Variants in FYB1 observed in about 807,000 individuals in gnomAD.
FYB1 encodes the protein FYN binding protein 1.
In FYB1, 41 loss-of-function variants were observed where a neutral mutation model predicts 94.1. The ratio of observed to expected loss-of-function variants is 0.44; its 90% CI spans 0.34 to 0.57. The LOEUF (loss-of-function observed/expected upper bound fraction) is 0.57, where lower values mean the gene tolerates loss of function less well. Ranked by LOEUF, FYB1 falls within the 20% of genes least tolerant of loss-of-function variation. The pLI is 0.02. For synonymous variants in FYB1, 367 were observed against 353.2 expected (o/e 1.04, Z -0.44); for missense variants, 1,050 against 976.8 (o/e 1.07, Z -1.00).
At chr5:39,178,298 T>C (rs1227340929) in intron 2 of FYB1, among the ~76,000 whole-genome samples, 1 of 152,220 alleles carries the variant, frequency 6.6e-6, no homozygotes, top group African/African-American at 2.4e-5. Context: ...TCTGCAACAT[T>C]CATGTGTGAA....
At chr5:39,257,746 C>T (rs988320189) in intron 1 of FYB1, among the ~76,000 whole-genome samples, 6 of 151,488 alleles carry the variant, frequency 4.0e-5, no homozygotes, top group Admixed American at 1.3e-4. Context: ...TCAGAATGGG[C>T]TAAACAGTAA....
At chr5:39,242,240 T>G (rs1045905197) in intron 1 of FYB1, among the ~76,000 whole-genome samples, 13 of 152,106 alleles carry the variant, frequency 8.5e-5, no homozygotes, top group African/African-American at 2.9e-4. Context: ...GCTGCACCTA[T>G]TAACTTGTCA....
intron 3 of FYB1, among the ~76,000 whole-genome samples, chr5:39,148,169 ATATATATATATATATATATATATAT>A (rs1742897139): frequency 8.7e-5 from 2 of 22,938 alleles, no homozygotes; most frequent in Non-Finnish European, 1.6e-4. Context: ...ATATATATAT[ATATATATATATATATATATATATAT>A]ATATATATAT....
chr5:39,233,017 G>C (rs559190731), intron 1 of FYB1, among the ~76,000 whole-genome samples: 1 of 151,908 alleles, frequency 6.6e-6, no homozygotes, highest in South Asian at 2.1e-4. Flanking sequence ...GAATAATGCC[G>C]CAAGAAACAT....
rs71606520 is a variant in FYB1 at position 39,147,452 on chromosome 5, C to CTGTGTGTGTG, written c.1292+5986_1292+5995dup. On this transcript the variant is annotated intron_variant, in intron 3 of 18. Transcript: ENST00000512982. ...CCCAGCTAAACTTTTGTACATATGC[C>CTGTGTGTGTG]TGTGTGTGTGTGTGTGTGTGTGTGT... 8.2e-3 allele frequency among the ~76,000 whole-genome samples: 1,183 copies of CTGTGTGTGTG among 144,580 alleles called. 20 individuals are homozygous for CTGTGTGTGTG. The highest frequency in any genetic ancestry group is 0.025 in the African/African-American group (968 of 38,580). The allele number at this position is 144,580 out of a possible 152,430, so 94.9% of individuals were successfully genotyped here. A position where few individuals can be genotyped will look rare whatever the true frequency, so the allele number is the denominator to read the frequency against.
chr5:39,154,898 T>C (rs1215414695), intron 2 of FYB1, among the ~76,000 whole-genome samples: 1 of 152,192 alleles, frequency 6.6e-6, no homozygotes, highest in Non-Finnish European at 1.5e-5. Context: ...GGCCTCCTTT[T>C]AATTGTATTA....
intron 2 of FYB1, among the ~76,000 whole-genome samples, chr5:39,158,376 G>T (rs866886528): frequency 2.0e-5 from 3 of 152,184 alleles, no homozygotes; most frequent in South Asian, 2.1e-4. Context: ...CTGCCTTGAA[G>T]AATTGTTCCA....
chr5:39,202,142 T>G lies in FYB1; in HGVS notation c.819A>C (p.Pro273=), dbSNP rs141281683. Residue 273 remains proline (P), a synonymous_variant, in exon 2 of 19, where the codon CCA becomes CCC. Coordinates refer to ENST00000512982, the MANE Select transcript of FYB1 (RefSeq NM_001465.6). Reference sequence around the variant, plus strand: ...TTTCTTCACCATTTTTGGAGAGACCTGGGCCTCCCCTGCTCGCAGCAGGTT... The same window carrying G: ...TTTCTTCACCATTTTTGGAGAGACCGGGGCCTCCCCTGCTCGCAGCAGGTT... ...VLKPAASRGG[P]GLSKNGEEKK... 605 of 1,614,010 alleles carry G rather than the reference T, an allele frequency of 3.7e-4. 3 individuals carry two copies. The African/African-American group carries it at 7.2e-3, about 19-fold the overall frequency.
At position 39,208,538 on chromosome 5, in the gene FYB1, T is replaced by G. The variant is rs140125266; in HGVS notation, c.-27-5551A>C. Among the ~76,000 whole-genome samples, 910 of 152,266 alleles carry G rather than the reference T, an allele frequency of 6.0e-3. 3 individuals are homozygous for G. Among genetic ancestry groups the G allele is most frequent in the Non-Finnish European group, 9.6e-3 (656 of 68,014 alleles). On this transcript the variant is annotated intron_variant, in intron 1 of 18. Coordinates refer to ENST00000512982, the MANE Select transcript of FYB1 (RefSeq NM_001465.6). The stretch of plus-strand genomic sequence containing the variant: ...TTCGGTCTCAACTGCTGGTTCTTCT[T>G]ATGGAACAAAATTTGTTTCTGCCAC...
intron 1 of FYB1, among the ~76,000 whole-genome samples, chr5:39,210,001 C>T (rs996618338): frequency 6.6e-6 from 1 of 152,210 alleles, no homozygotes; most frequent in Non-Finnish European, 1.5e-5. Flanking sequence ...GAGCACCAGG[C>T]CCCTCTTCAA....
intron 1 of FYB1, among the ~76,000 whole-genome samples, chr5:39,235,866 T>C (rs545233576): frequency 6.6e-6 from 1 of 151,938 alleles, no homozygotes; most frequent in Non-Finnish European, 1.5e-5. Flanking sequence ...ATAGGACTCT[T>C]TTGTAGTGAT....
chr5:39,240,645 T>C (rs1439901338), intron 1 of FYB1, among the ~76,000 whole-genome samples: 2 of 152,090 alleles, frequency 1.3e-5, no homozygotes, highest in African/African-American at 4.8e-5. Context: ...AGTCAAAATG[T>C]CTGTTATTAA....
At chr5:39,237,176 G>C (rs953385645) in intron 1 of FYB1, among the ~76,000 whole-genome samples, 4 of 151,972 alleles carry the variant, frequency 2.6e-5, no homozygotes, top group African/African-American at 9.7e-5. Flanking sequence ...AAAAATTGTA[G>C]GCTCATGCCA....
At chr5:39,145,885 T>G (rs1742599486) in intron 3 of FYB1, among the ~76,000 whole-genome samples, 1 of 151,680 alleles carries the variant, frequency 6.6e-6, no homozygotes, top group South Asian at 2.1e-4. Flanking sequence ...ATCCCCTGCT[T>G]GTGGTCCTCC....
intron 13 of FYB1, among the ~76,000 whole-genome samples, chr5:39,123,955 T>C (rs113898036): frequency 6.6e-6 from 1 of 152,176 alleles, no homozygotes; most frequent in Admixed American, 6.6e-5. Flanking sequence ...AAGCTTGGAC[T>C]GAATTGAGGC....
intron 1 of FYB1, among the ~76,000 whole-genome samples, chr5:39,241,291 C>A (rs1406169921): frequency 6.6e-6 from 1 of 152,136 alleles, no homozygotes; most frequent in Non-Finnish European, 1.5e-5. Context: ...TGTAACAAAC[C>A]TTCCCATGTA....
chr5:39,233,610 A>C (rs1340092529), intron 1 of FYB1, among the ~76,000 whole-genome samples: 3 of 152,156 alleles, frequency 2.0e-5, no homozygotes, highest in Admixed American at 1.3e-4. Context: ...TGAAAAATAT[A>C]TTTTCTAAAA....
intron 1 of FYB1, 102 bp from the exon 2 acceptor site, chr5:39,203,089 G>T: frequency 1.1e-6 from 1 of 946,060 alleles, no homozygotes; most frequent in Non-Finnish European, 1.6e-6. Flanking sequence ...GGCCTGCAGC[G>T]TTGCTGATTG....
At chr5:39,183,182 C>T (rs1746417791) in intron 2 of FYB1, among the ~76,000 whole-genome samples, 2 of 152,088 alleles carry the variant, frequency 1.3e-5, no homozygotes, top group Non-Finnish European at 2.9e-5. Flanking sequence ...GACGGGGTTT[C>T]TCCATGTTGG....
Sources: allele counts gnomAD v4.1 joint callset (sites outside exome capture counted in the v4.1 genomes callset), GRCh38; gene constraint gnomAD v4.1.1; transcripts MANE v1.5; gene names NCBI Gene and HGNC (gene_info 2026-07-23, HGNC 2026-07-21).